FHIP1A: variants seen among roughly 807,000 people sequenced by gnomAD.
FHIP1A encodes the protein FHF complex subunit HOOK-interacting protein 1A.
In FHIP1A, 61 loss-of-function variants were observed where a neutral mutation model predicts 88.6. The observed-to-expected ratio is 0.69, with a 90% CI of 0.56 to 0.85. FHIP1A has a LOEUF of 0.85. Ranked by LOEUF, FHIP1A falls within the 40% of genes least tolerant of loss-of-function variation. FHIP1A has a pLI of 0.00. For synonymous variants in FHIP1A, 478 were observed against 496.0 expected, an observed-to-expected ratio of 0.96 and a Z score of 0.48; for missense variants, 1,154 against 1,273.5, an observed-to-expected ratio of 0.91 and a Z score of 1.43.
At chr4:151,552,744 C>T (rs1413197968) in intron 3 of FHIP1A, among the ~76,000 whole-genome samples, 2 of 150,954 alleles carry the variant, frequency 1.3e-5, no homozygotes, top group East Asian at 3.9e-4. Context: ...TTAATGGGTG[C>T]AGCAAACCAA....
At position 151,418,456 on chromosome 4, in the gene FHIP1A, C is replaced by G. The variant is rs967866296; in HGVS notation, c.-356+8991C>G. ...ACAATTGGAGAGTGTTTTTTTTGTCCTTAAAGTAATTCTGCCTCTTGATTA... is the reference window on the plus strand; with the variant it reads ...ACAATTGGAGAGTGTTTTTTTTGTCGTTAAAGTAATTCTGCCTCTTGATTA... On this transcript the variant is annotated intron_variant, in intron 1 of 13. Transcript: ENST00000435205. 3.3e-5 allele frequency among the ~76,000 whole-genome samples: 5 copies of G among 152,012 alleles called. No homozygotes were observed. The South Asian group carries it at 6.2e-4, about 19-fold the overall frequency.
At chr4:151,465,826 C>T (rs927572392) in intron 2 of FHIP1A, among the ~76,000 whole-genome samples, 2 of 152,134 alleles carry the variant, frequency 1.3e-5, no homozygotes, top group African/African-American at 4.8e-5. Context: ...TTCAACATCC[C>T]TTCATGTTAC....
At chr4:151,417,760 TCTAACA>T (rs1245331883) in intron 1 of FHIP1A, among the ~76,000 whole-genome samples, 2 of 152,228 alleles carry the variant, frequency 1.3e-5, no homozygotes, top group African/African-American at 2.4e-5. Context: ...TTGCTTATTC[TCTAACA>T]CTAAGTCACT....
chr4:151,552,455 A>G (rs1381672019), intron 3 of FHIP1A, among the ~76,000 whole-genome samples: 1 of 152,228 alleles, frequency 6.6e-6, no homozygotes, highest in African/African-American at 2.4e-5. Context: ...GACTGGATTA[A>G]GAAAATGTGG....
chr4:151,626,574 C>CAA (rs1560807119), intron 7 of FHIP1A, among the ~76,000 whole-genome samples: 3 of 152,152 alleles, frequency 2.0e-5, no homozygotes, highest in Non-Finnish European at 4.4e-5. Flanking sequence ...TGTGGCCCAC[C>CAA]TTTAGTATGA....
At chr4:151,566,907 G>C (rs1481140916) in intron 4 of FHIP1A, among the ~76,000 whole-genome samples, 5 of 152,254 alleles carry the variant, frequency 3.3e-5, no homozygotes, top group Non-Finnish European at 5.9e-5. Context: ...TATACAACTA[G>C]TAAGTTACTA....
chr4:151,455,845 G>C (rs1728948188), intron 2 of FHIP1A, among the ~76,000 whole-genome samples: 2 of 152,194 alleles, frequency 1.3e-5, no homozygotes, highest in African/African-American at 4.8e-5. Context: ...TCTGCTGTTT[G>C]TTGAGAGCTA....
At chr4:151,512,283 T>C (rs1326246096) in intron 3 of FHIP1A, among the ~76,000 whole-genome samples, 1 of 152,114 alleles carries the variant, frequency 6.6e-6, no homozygotes, top group African/African-American at 2.4e-5. Flanking sequence ...CAAAAACCCA[T>C]CTGTACATCA....
chr4:151,627,343 C>G (rs1439518492), intron 7 of FHIP1A, among the ~76,000 whole-genome samples: 1 of 152,094 alleles, frequency 6.6e-6, no homozygotes, highest in Non-Finnish European at 1.5e-5. Context: ...CATGTTAGCC[C>G]TCAAAGACTG....
intron 7 of FHIP1A, among the ~76,000 whole-genome samples, chr4:151,623,446 C>G (rs1330481029): frequency 6.6e-6 from 1 of 151,398 alleles, no homozygotes; most frequent in Non-Finnish European, 1.5e-5. Flanking sequence ...ACTTTTCCCC[C>G]TCCACCCCCG....
chr4:151,491,591 A>G (rs1447619137), intron 3 of FHIP1A, among the ~76,000 whole-genome samples: 5 of 152,096 alleles, frequency 3.3e-5, no homozygotes, highest in Non-Finnish European at 7.4e-5. Flanking sequence ...AAAAAAAAAC[A>G]CAAGGTATTG....
chr4:151,456,338 AAGAC>A (rs1728967597), intron 2 of FHIP1A, among the ~76,000 whole-genome samples: 1 of 152,162 alleles, frequency 6.6e-6, no homozygotes, highest in Non-Finnish European at 1.5e-5. Flanking sequence ...TGCAAAGTAA[AAGAC>A]AGGGCCAGCG....
Position 151,665,811 on chromosome 4 carries a change from TAA to T in FHIP1A, c.*3059_*3060del, listed in dbSNP as rs1181937649. Reference sequence around the variant, plus strand: ...TTATAATGAGTTGGGGGGAAAATCTTAAATATGTTTGGCATGCTTAAAGATAT... The same window carrying T: ...TTATAATGAGTTGGGGGGAAAATCTTATATGTTTGGCATGCTTAAAGATAT... On this transcript the variant is annotated 3_prime_UTR_variant, in exon 14 of 14. Transcript: ENST00000435205. Among the ~76,000 whole-genome samples the T allele has an allele frequency of 1.3e-5, 2 of 152,212 alleles. No individual in the cohort carries two copies. Among genetic ancestry groups the T allele is most frequent in the African/African-American group, 2.4e-5 (1 of 41,442 alleles).
At chr4:151,478,452 C>T (rs1316812882) in intron 2 of FHIP1A, among the ~76,000 whole-genome samples, 2 of 152,038 alleles carry the variant, frequency 1.3e-5, no homozygotes, top group Non-Finnish European at 2.9e-5. Flanking sequence ...ATTCCTTTGC[C>T]TCACAGGTTG....
chr4:151,497,817 T>C (rs531229299), intron 3 of FHIP1A, among the ~76,000 whole-genome samples: 1 of 152,376 alleles, frequency 6.6e-6, no homozygotes, highest in Admixed American at 6.5e-5. Context: ...CCATGACTTG[T>C]GGCCCCATCC....
intron 1 of FHIP1A, among the ~76,000 whole-genome samples, chr4:151,418,282 C>T (rs1285375859): frequency 6.7e-6 from 1 of 149,386 alleles, no homozygotes; most frequent in Non-Finnish European, 1.5e-5. Context: ...ACTGATTAAA[C>T]TTAATGGTTA....
chr4:151,441,323 C>CT (rs138231798), intron 1 of FHIP1A, among the ~76,000 whole-genome samples: 4,485 of 142,804 alleles, frequency 0.031, 246 homozygotes, highest in East Asian at 0.28. Context: ...GTCCTTTCTA[C>CT]TTTTTTTTTT....
At chr4:151,437,493 A>G (rs1728247078) in intron 1 of FHIP1A, among the ~76,000 whole-genome samples, 1 of 152,180 alleles carries the variant, frequency 6.6e-6, no homozygotes, top group Non-Finnish European at 1.5e-5. Context: ...TCATAGAAAA[A>G]AGATAAAGGG....
intron 3 of FHIP1A, among the ~76,000 whole-genome samples, chr4:151,524,547 C>T (rs1024663925): frequency 9.2e-5 from 14 of 152,154 alleles, no homozygotes; most frequent in Admixed American, 6.5e-5. Context: ...AGAGGAGGCA[C>T]CAGCAGCTGC....
Sources: allele counts gnomAD v4.1 joint callset (sites outside exome capture counted in the v4.1 genomes callset), GRCh38; gene constraint gnomAD v4.1.1; transcripts MANE v1.5; gene names NCBI Gene and HGNC (gene_info 2026-07-23, HGNC 2026-07-21).